Variants in TRIM14 observed in about 807,000 individuals in gnomAD.
The protein encoded by TRIM14 is tripartite motif-containing protein 14.
Under a neutral mutation model 44.5 loss-of-function variants are expected in TRIM14, and 28 were observed. The observed-to-expected ratio is 0.63, with a 90% CI of 0.47 to 0.86. The LOEUF (loss-of-function observed/expected upper bound fraction) is 0.86, where lower values mean the gene tolerates loss of function less well. TRIM14 is among the 40% of genes least tolerant of loss of function. TRIM14 has a pLI of 0.00. For synonymous variants in TRIM14, 299 were observed against 269.2 expected (o/e 1.11, Z -1.08); for missense variants, 607 against 611.1 (o/e 0.99, Z 0.07).
chr9:98,061,773 C>T, the TRIM14 span, among the ~76,000 whole-genome samples: 4 of 147,286 alleles, frequency 2.7e-5, no homozygotes, highest in African/African-American at 1.0e-4. Context: ...AGCAAGATTC[C>T]GTCTCAAAAA....
chr9:98,104,754 AG>A (rs1198714993), intron 2 of TRIM14, among the ~76,000 whole-genome samples: 18 of 152,160 alleles, frequency 1.2e-4, no homozygotes, highest in African/African-American at 4.1e-4. Flanking sequence ...ACAGCCATGA[AG>A]CCCCGGTCAG....
At chr9:98,050,032 A>G in the TRIM14 span, among the ~76,000 whole-genome samples, 6 of 152,236 alleles carry the variant, frequency 3.9e-5, no homozygotes, top group African/African-American at 1.4e-4. Flanking sequence ...AGGAAAGTGA[A>G]GTACAGAAAA....
chr9:98,057,921 G>GTTTTTTTTTT, the TRIM14 span, among the ~76,000 whole-genome samples: 4 of 87,476 alleles, frequency 4.6e-5, 1 homozygote, highest in Admixed American at 2.6e-4. Flanking sequence ...TTTTTTTCCT[G>GTTTTTTTTTT]GTTTTTTTTT....
chr9:98,064,271 A>T, the TRIM14 span, among the ~76,000 whole-genome samples: 1 of 150,564 alleles, frequency 6.6e-6, no homozygotes, highest in Admixed American at 6.6e-5. Context: ...TTTTTTTTTT[A>T]AAGACGGAGT....
At chr9:98,054,789 G>C in the TRIM14 span, among the ~76,000 whole-genome samples, 3 of 152,152 alleles carry the variant, frequency 2.0e-5, no homozygotes, top group African/African-American at 7.2e-5. Context: ...TCGCCAGAGG[G>C]GGTCTACAGA....
the TRIM14 span, among the ~76,000 whole-genome samples, chr9:98,036,745 G>A: frequency 1.3e-5 from 2 of 151,734 alleles, no homozygotes; most frequent in Non-Finnish European, 2.9e-5. Context: ...CAGAGCTTAC[G>A]GTGAGCCCAG....
At chr9:98,108,848 T>A (rs1298092009) in intron 2 of TRIM14, among the ~76,000 whole-genome samples, 1 of 150,476 alleles carries the variant, frequency 6.6e-6, no homozygotes, top group East Asian at 2.0e-4. Flanking sequence ...TCACAGCCAC[T>A]CCTCCTCTTG....
chr9:98,051,831 AC>A, the TRIM14 span, among the ~76,000 whole-genome samples: 243 of 150,090 alleles, frequency 1.6e-3, no homozygotes, highest in Non-Finnish European at 2.4e-3. Context: ...TTGCAAGGCA[AC>A]CCAAAGCCAA....
the TRIM14 span, chr9:98,056,643 C>T: frequency 9.4e-7 from 1 of 1,066,526 alleles, no homozygotes; most frequent in Non-Finnish European, 1.3e-6. Flanking sequence ...GATTGGCTGT[C>T]GGGAGAGAGG....
At chr9:98,094,628 C>G (rs1826115271) in intron 4 of TRIM14, among the ~76,000 whole-genome samples, 2 of 152,146 alleles carry the variant, frequency 1.3e-5, no homozygotes, top group Admixed American at 6.5e-5. Flanking sequence ...CTCCCAGGAG[C>G]AATCTGAGGG....
intron 6 of TRIM14, among the ~76,000 whole-genome samples, chr9:98,071,304 T>C (rs1829329710): frequency 1.3e-5 from 2 of 152,194 alleles, no homozygotes; most frequent in African/African-American, 2.4e-5. Flanking sequence ...CACACCCTGC[T>C]GTGTGGCCCA....
At chr9:98,081,140 G>A (rs143739415), downstream of TRIM14, 1,338 of 1,596,804 alleles carry the variant, frequency 8.4e-4, 6 homozygotes, top group African/African-American at 0.015. Flanking sequence ...AGGATAGGCT[G>A]GCCTGAGAGG....
intron 4 of TRIM14, among the ~76,000 whole-genome samples, chr9:98,092,721 G>A (rs555204925): frequency 6.6e-6 from 1 of 152,334 alleles, no homozygotes; most frequent in African/African-American, 2.4e-5. Flanking sequence ...ACCAAGTTTT[G>A]GCCAATCAGA....
At chr9:98,059,730 G>GTT in the TRIM14 span, among the ~76,000 whole-genome samples, 5 of 139,514 alleles carry the variant, frequency 3.6e-5, no homozygotes, top group African/African-American at 5.3e-5. Flanking sequence ...AGTGTTTTTT[G>GTT]TTTTTTTTTT....
the TRIM14 span, chr9:98,056,833 C>G: frequency 6.2e-7 from 1 of 1,612,130 alleles, no homozygotes; most frequent in Non-Finnish European, 8.5e-7. Flanking sequence ...GGAGCTGTGT[C>G]CCGGGCGCTG....
At chr9:98,107,836 T>G (rs1826679833) in intron 2 of TRIM14, among the ~76,000 whole-genome samples, 1 of 124,086 alleles carries the variant, frequency 8.1e-6, no homozygotes, top group African/African-American at 3.2e-5. Context: ...CATTTTTTTG[T>G]ATTTTTTTTT....
chr9:98,080,886 T>C (rs1829823070), downstream of TRIM14: 1 of 1,614,128 alleles, frequency 6.2e-7, no homozygotes, highest in East Asian at 2.2e-5. Context: ...GCGATATCTG[T>C]GGCCGCAGTG....
At chr9:98,071,190 G>A (rs1385500604) in intron 6 of TRIM14, among the ~76,000 whole-genome samples, 1 of 152,230 alleles carries the variant, frequency 6.6e-6, no homozygotes, top group Non-Finnish European at 1.5e-5. Flanking sequence ...TACCCCAGCT[G>A]TGTGGTGTGT....
intron 6 of TRIM14, chr9:98,076,302 C>G (rs1829588311): frequency 2.6e-5 from 4 of 152,136 alleles, no homozygotes; most frequent in Admixed American, 2.6e-4. Context: ...AGGTCATGAC[C>G]GTTTCATGTT....
Sources: allele counts gnomAD v4.1 joint callset (sites outside exome capture counted in the v4.1 genomes callset), GRCh38; gene constraint gnomAD v4.1.1; transcripts MANE v1.5; gene names NCBI Gene and HGNC (gene_info 2026-07-23, HGNC 2026-07-21).